The following SLC5A5 variants were observed in gnomAD, a reference collection of about 807,000 sequenced individuals.
SLC5A5 encodes sodium/iodide cotransporter.
Under a neutral mutation model 68.6 loss-of-function variants are expected in SLC5A5, and 56 were observed. The ratio of observed to expected loss-of-function variants is 0.82; its 90% confidence interval spans 0.66 to 1.02. The LOEUF is 1.02. SLC5A5 is among the 50% of genes least tolerant of loss of function. The pLI, the probability that SLC5A5 is intolerant of heterozygous loss-of-function variation, is 0.00. For missense variants in SLC5A5, 807 were observed against 859.8 expected (o/e 0.94, Z 0.77); for synonymous variants, 398 against 373.0 (o/e 1.07, Z -0.77).
rs188316310 is a variant in SLC5A5, at chr19:17,877,254, A to G, written c.699-469A>G. 4.9e-3 allele frequency among the ~76,000 whole-genome samples: 747 copies of G among 152,198 alleles called. 35 individuals carry two copies. The South Asian group carries it at 0.11, about 21-fold the overall frequency. Reference sequence around the variant, plus strand: ...AAATACGTGAATTTTCAATCTGGCAAATGCCTATGCATATGTCAAACCCAC... The same window carrying G: ...AAATACGTGAATTTTCAATCTGGCAGATGCCTATGCATATGTCAAACCCAC... On this transcript the variant is annotated intron_variant, in intron 5 of 14. Coordinates refer to ENST00000222248, the MANE Select transcript of SLC5A5 (RefSeq NM_000453.3).
chr19:17,874,274 C>T (rs2094301339), intron 2 of SLC5A5, 71 bp downstream of exon 2: 1 of 1,125,362 alleles, frequency 8.9e-7, no homozygotes, highest in South Asian at 1.3e-5. Flanking sequence ...CGGCCCCCAC[C>T]ATTCAAGACC....
chr19:17,886,896 C>G (rs1489045412), intron 12 of SLC5A5, among the ~76,000 whole-genome samples: 1 of 151,906 alleles, frequency 6.6e-6, no homozygotes, highest in Non-Finnish European at 1.5e-5. Context: ...ATAGAAAGAC[C>G]CTATCTCTAT....
At chr19:17,878,198 CAAG>C in intron 7 of SLC5A5, 105 bp downstream of exon 7, 1 of 1,362,512 alleles carries the variant, frequency 7.3e-7, no homozygotes, top group Non-Finnish European at 1.0e-6. Flanking sequence ...GTGCAAAGGC[CAAG>C]AAGTAGGAAA....
chr19:17,872,225 C>CCCCCCCCCCCCCAG lies in SLC5A5; in HGVS notation c.-95_-94insCCCCCCCCCCCCAG. ...ACAGGCTGCCGAGCATCCTCCCACCCGCCCTCCCCGTCCTGCCTCCTCGGC... is the reference window on the plus strand; with the variant it reads ...ACAGGCTGCCGAGCATCCTCCCACCCCCCCCCCCCCCCAGGCCCTCCCCGTCCTGCCTCCTCGGC... On this transcript the variant is annotated 5_prime_UTR_variant, in exon 1 of 15. Coordinates refer to ENST00000222248, the MANE Select transcript of SLC5A5 (RefSeq NM_000453.3). The CCCCCCCCCCCCCAG allele has an allele frequency of 6.8e-6, 3 of 443,494 alleles. No homozygotes were observed. The highest frequency in any genetic ancestry group is 1.3e-5 in the Non-Finnish European group (3 of 230,150). The allele number at this position is 443,494 out of a possible 1,614,324, so 27.5% of individuals were successfully genotyped here.
chr19:17,878,975 A>AAG (rs2094314199), intron 7 of SLC5A5, among the ~76,000 whole-genome samples: 1 of 102,172 alleles, frequency 9.8e-6, no homozygotes, highest in Non-Finnish European at 2.2e-5. Context: ...ACTCCATCTC[A>AAG]AAAAAAAAAA....
chr19:17,874,828 T>C, intron 4 of SLC5A5, 97 bp downstream of exon 4: 1 of 1,175,878 alleles, frequency 8.5e-7, no homozygotes. Flanking sequence ...TGAGGAAGCC[T>C]CTGTCCCAGC....
At chr19:17,893,062 CTTTGT>C (rs1335067562) in intron 14 of SLC5A5, among the ~76,000 whole-genome samples, 1 of 112,028 alleles carries the variant, frequency 8.9e-6, no homozygotes. Flanking sequence ...TTTTTGTTGT[CTTTGT>C]TTTATTTGTG....
At chr19:17,873,812 C>T (rs866902839) in intron 1 of SLC5A5, among the ~76,000 whole-genome samples, 28 of 151,814 alleles carry the variant, frequency 1.8e-4, no homozygotes, top group African/African-American at 6.8e-4. Context: ...CACCATTGGC[C>T]CGGGGCACTG....
chr19:17,885,891 C>T (rs1449718105), intron 12 of SLC5A5, among the ~76,000 whole-genome samples: 1 of 151,916 alleles, frequency 6.6e-6, no homozygotes. Flanking sequence ...GACGGGGTTT[C>T]ACTTTGTCGC....
At position 17,894,503 on chromosome 19, in the gene SLC5A5, T is replaced by C. The variant is rs938221200; in HGVS notation, c.*626T>C. ...CACCACGCCCAGGTAATTTTTGTAATTTTGTATTTTTGTAGAGACGGGGTT... is the reference window on the plus strand; with the variant it reads ...CACCACGCCCAGGTAATTTTTGTAACTTTGTATTTTTGTAGAGACGGGGTT... On this transcript the variant is annotated 3_prime_UTR_variant, in exon 15 of 15. Coordinates refer to ENST00000222248, the MANE Select transcript of SLC5A5 (RefSeq NM_000453.3). 5 of 152,614 alleles carry C rather than the reference T, an allele frequency of 3.3e-5. No homozygotes were observed. Among genetic ancestry groups the C allele is most frequent in the African/African-American group, 1.2e-4 (5 of 41,402 alleles). 9.5% of individuals were successfully genotyped at this position (152,614 alleles called of 1,614,324 possible). A position where few individuals can be genotyped will look rare whatever the true frequency, so the allele number is the denominator to read the frequency against.
In SLC5A5 at chr19:17,872,267, C is replaced by G. The variant is rs886054281; in HGVS notation, c.-53C>G. ...CTCCTCGGCCCCTGCCAGCTTCCCC[C>G]GCTTGAGCACGCAGGGCGTCCGAGG... is the stretch of plus-strand genomic sequence containing the variant. On this transcript the variant is annotated 5_prime_UTR_variant, in exon 1 of 15. Transcript: ENST00000222248. 11 of 1,306,504 alleles carry G rather than the reference C, an allele frequency of 8.4e-6. No homozygotes were observed. In the Admixed American group the frequency reaches 1.0e-4, roughly 12 times the overall value. The allele number at this position is 1,306,504 out of a possible 1,614,324, so 80.9% of individuals were successfully genotyped here. A position where few individuals can be genotyped will look rare whatever the true frequency, so the allele number is the denominator to read the frequency against.
rs765664022 is a variant in SLC5A5, at chr19:17,891,001, G to C, written c.1767G>C (p.Lys589Asn). The C allele has an allele frequency of 1.2e-6, 2 of 1,600,976 alleles. No homozygotes were observed. The highest frequency in any genetic ancestry group is 1.1e-5 in the South Asian group (1 of 90,790). The part of the protein sequence containing the change: ...EVAILDDNLV[K>N]GPEELPTGNK... Reference sequence around the variant, plus strand: ...CCATCCTGGATGACAACTTGGTCAAGGTCAGTCTTAGGCTGGGTTCCCAGA... The same window carrying C: ...CCATCCTGGATGACAACTTGGTCAACGTCAGTCTTAGGCTGGGTTCCCAGA... The change falls in exon 14 of 15, where the codon AAG becomes AAC. Residue 589 changes from lysine to asparagine, a missense_variant and splice_region_variant. Transcript: ENST00000222248.
chr19:17,886,716 A>G (rs1299173071), intron 12 of SLC5A5, among the ~76,000 whole-genome samples: 2 of 152,166 alleles, frequency 1.3e-5, no homozygotes, highest in African/African-American at 4.8e-5. Flanking sequence ...GTCCTCGCCA[A>G]TACTCATTAT....
chr19:17,884,844 C>T (rs1363824078), intron 12 of SLC5A5, among the ~76,000 whole-genome samples: 2 of 151,468 alleles, frequency 1.3e-5, no homozygotes, highest in African/African-American at 4.9e-5. Context: ...AAGAACGTTT[C>T]CTCTTTTTTT....
Position 17,883,831 on chromosome 19 carries a change from A to T in SLC5A5, c.1330-19A>T. The T allele has an allele frequency of 6.2e-7, 1 of 1,604,490 alleles. No homozygotes were observed. The highest frequency in any genetic ancestry group is 8.5e-7 in the Non-Finnish European group (1 of 1,176,332). ...CCGGACAGGCCCCTCCCCTTCCCTG[A>T]CGCCGGCTCTGCCCCCAGGGCGTCC... On this transcript the variant is annotated intron_variant, in intron 11 of 14. Coordinates refer to ENST00000222248, the MANE Select transcript of SLC5A5 (RefSeq NM_000453.3).
At position 17,882,458 on chromosome 19, in the gene SLC5A5, C is replaced by T. The variant is rs1203661710; in HGVS notation, c.1242+239C>T. On this transcript the variant is annotated intron_variant, in intron 10 of 14. Transcript: ENST00000222248. ...TCAAGCCATCCTTCCACCTCAATCT[C>T]CCAAGTAGCTGGAGTTACAGGTGTG... 8.6e-5 allele frequency among the ~76,000 whole-genome samples: 13 copies of T among 151,854 alleles called. No homozygotes were observed. The East Asian group carries it at 2.3e-3, about 27-fold the overall frequency.
intron 4 of SLC5A5, among the ~76,000 whole-genome samples, chr19:17,875,697 G>C (rs914139134): frequency 6.6e-6 from 1 of 151,858 alleles, no homozygotes; most frequent in Non-Finnish European, 1.5e-5. Flanking sequence ...AGGATCACTT[G>C]AGCCTAAGAG....
At chr19:17,887,417 C>T (rs945866649) in intron 12 of SLC5A5, among the ~76,000 whole-genome samples, 2 of 151,876 alleles carry the variant, frequency 1.3e-5, no homozygotes, top group Non-Finnish European at 2.9e-5. Context: ...ACCTCAGCCT[C>T]GTGAGTAGCT....
chr19:17,885,454 A>T (rs1466243111), intron 12 of SLC5A5, among the ~76,000 whole-genome samples: 1 of 151,898 alleles, frequency 6.6e-6, no homozygotes, highest in Non-Finnish European at 1.5e-5. Context: ...ATCACAGCTC[A>T]CTGCACCATT....
Sources: allele counts gnomAD v4.1 joint callset (sites outside exome capture counted in the v4.1 genomes callset), GRCh38; gene constraint gnomAD v4.1.1; transcripts MANE v1.5; gene names NCBI Gene and HGNC (gene_info 2026-07-23, HGNC 2026-07-21).